NF1: variants seen among roughly 807,000 people sequenced by gnomAD.
NF1 encodes neurofibromin 1.
Under a neutral mutation model 325.7 loss-of-function variants are expected in NF1, and 122 were observed. The ratio of observed to expected loss-of-function variants is 0.37; its 90% CI spans 0.32 to 0.44. NF1 has a LOEUF of 0.44. Ranked by LOEUF, NF1 falls within the 20% of genes least tolerant of loss-of-function variation. NF1 has a pLI of 1.00. For missense variants in NF1, 2,140 were observed against 3,415.4 expected (o/e 0.63, Z 9.31); for synonymous variants, 1,091 against 1,186.0 (o/e 0.92, Z 1.65).
chr17:31,264,842 G>A (rs2151469506), intron 35 of NF1, among the ~76,000 whole-genome samples: 1 of 152,192 alleles, frequency 6.6e-6, no homozygotes, highest in East Asian at 1.9e-4. Context: ...TACCATTTAT[G>A]ATAAACTTCC....
intron 36 of NF1, among the ~76,000 whole-genome samples, chr17:31,311,034 C>T (rs1400004771): frequency 6.6e-6 from 1 of 150,804 alleles, no homozygotes; most frequent in Non-Finnish European, 1.5e-5. Context: ...GCAGCCTCTG[C>T]CTCCTGGGCT....
chr17:31,323,046 A>G (rs1237904441), intron 36 of NF1, among the ~76,000 whole-genome samples: 1 of 152,210 alleles, frequency 6.6e-6, no homozygotes, highest in African/African-American at 2.4e-5. Flanking sequence ...TCCCTAATAC[A>G]TACAACAATG....
At chr17:31,115,264 C>A (rs1487211285) in intron 1 of NF1, among the ~76,000 whole-genome samples, 1 of 152,048 alleles carries the variant, frequency 6.6e-6, no homozygotes, top group Non-Finnish European at 1.5e-5. Flanking sequence ...ACAGGACAGC[C>A]CCCAAGAGTA....
intron 3 of NF1, 96 bp downstream of exon 3, chr17:31,159,189 C>T: frequency 1.1e-6 from 1 of 873,202 alleles, no homozygotes; most frequent in Admixed American, 1.8e-5. Flanking sequence ...GAGGACAGTC[C>T]TATGGACTTT....
intron 1 of NF1, among the ~76,000 whole-genome samples, chr17:31,127,605 T>TA (rs1914995360): frequency 1.3e-5 from 2 of 151,852 alleles, no homozygotes; most frequent in African/African-American, 4.8e-5. Flanking sequence ...TTTTTTTTTT[T>TA]TTTATTTAAA....
chr17:31,320,011 T>C (rs1434183723), intron 36 of NF1, among the ~76,000 whole-genome samples: 1 of 152,108 alleles, frequency 6.6e-6, no homozygotes, highest in Non-Finnish European at 1.5e-5. Context: ...TGCTGGAAAC[T>C]AGTACAAAAA....
chr17:31,126,457 G>GT (rs1914898632), intron 1 of NF1, among the ~76,000 whole-genome samples: 1 of 151,924 alleles, frequency 6.6e-6, no homozygotes, highest in Non-Finnish European at 1.5e-5. Context: ...TAATTCTCTT[G>GT]TTTTTTGAGA....
At chr17:31,126,007 A>C (rs1914851886) in intron 1 of NF1, among the ~76,000 whole-genome samples, 1 of 152,104 alleles carries the variant, frequency 6.6e-6, no homozygotes, top group African/African-American at 2.4e-5. Flanking sequence ...CAACGTGGTA[A>C]AACCCGGTCT....
At chr17:31,251,059 T>G (rs539128430) in intron 30 of NF1, 2 of 195,570 alleles carry the variant, frequency 1.0e-5, no homozygotes, top group South Asian at 3.8e-4. Flanking sequence ...AATGTTACAT[T>G]TACTGATTAG....
intron 50 of NF1, among the ~76,000 whole-genome samples, chr17:31,350,703 G>A (rs1285750977): frequency 1.3e-5 from 2 of 152,138 alleles, no homozygotes; most frequent in African/African-American, 2.4e-5. Flanking sequence ...ATACAGGCAT[G>A]CTAACACATT....
Position 31,236,008 on chromosome 17 carries a change from G to T in NF1, c.3961G>T (p.Val1321Leu). The change falls in exon 29 of 58, where the codon GTG (valine) becomes TTG (leucine). Residue 1321 changes from valine (V) to leucine (L), a missense_variant. By Grantham distance (32) the Val-to-Leu change is conservative. Coordinates refer to ENST00000358273, the MANE Select transcript of NF1 (RefSeq NM_001042492.3). ...TGATTGGCAACATGTTAGCTTTGAA[G>T]TGGATCCTACCAGGTTTGTCATCTT... is the stretch of plus-strand genomic sequence containing the variant. The part of the protein sequence containing the change: ...SSDWQHVSFE[V>L]DPTRLEPSES... 6.2e-7 allele frequency: 1 copy of T among 1,613,184 alleles called. No homozygotes were observed. The highest frequency in any genetic ancestry group is 8.5e-7 in the Non-Finnish European group (1 of 1,179,586).
intron 36 of NF1, chr17:31,297,410 G>A (rs2068489881): frequency 6.6e-6 from 1 of 152,162 alleles, no homozygotes; most frequent in Non-Finnish European, 1.5e-5. Context: ...TAAAAAATTT[G>A]TGGCATCAAG....
chr17:31,146,409 G>GTCCATCCATCCATCCA (rs112178514), intron 1 of NF1, among the ~76,000 whole-genome samples: 1 of 148,514 alleles, frequency 6.7e-6, no homozygotes, highest in Non-Finnish European at 1.5e-5. Context: ...TAATCTGTCT[G>GTCCATCCATCCATCCA]TCCATCCATC....
At chr17:31,180,067 G>C (rs1272148090) in intron 5 of NF1, among the ~76,000 whole-genome samples, 1 of 152,130 alleles carries the variant, frequency 6.6e-6, no homozygotes, top group Non-Finnish European at 1.5e-5. Context: ...TCGAATCCCT[G>C]AATAGACCAA....
chr17:31,285,574 A>G (rs2068210669), intron 36 of NF1, among the ~76,000 whole-genome samples: 2 of 152,278 alleles, frequency 1.3e-5, no homozygotes, highest in South Asian at 2.1e-4. Flanking sequence ...TCTGCTGGAC[A>G]TGGGGGCTCA....
chr17:31,313,705 C>CAAAAA (rs371438778), intron 36 of NF1, among the ~76,000 whole-genome samples: 2 of 112,654 alleles, frequency 1.8e-5, no homozygotes, highest in African/African-American at 6.4e-5. Flanking sequence ...GACTCTATCT[C>CAAAAA]AAAAAAAAAA....
chr17:31,358,256 T>G (rs1277789144), intron 54 of NF1: 4 of 564,212 alleles, frequency 7.1e-6, no homozygotes, highest in African/African-American at 5.6e-5. Flanking sequence ...TTTTCACAAT[T>G]TCTTCCCTGG....
At position 31,230,272 on chromosome 17, in the gene NF1, G is replaced by T; in HGVS notation, c.3003G>T (p.Val1001=). 1 of 1,613,344 alleles carries T rather than the reference G, an allele frequency of 6.2e-7. No homozygotes were observed. Among genetic ancestry groups the T allele is most frequent in the Non-Finnish European group, 8.5e-7 (1 of 1,179,522 alleles). ...TATGTCTATATAGGTATGTTCGTGT[G>T]CTTGGGAATATGGTCCATGCAATTC... is the stretch of plus-strand genomic sequence containing the variant. ...MMLNLVRYVR[V]LGNMVHAIQI... is the part of the protein sequence containing the mutation. The change falls in exon 23 of 58, where the codon GTG becomes GTT. Residue 1001 remains valine, a synonymous_variant. Coordinates refer to ENST00000358273, the MANE Select transcript of NF1 (RefSeq NM_001042492.3).
At chr17:31,267,846 C>G (rs916218909) in intron 36 of NF1, among the ~76,000 whole-genome samples, 7 of 152,140 alleles carry the variant, frequency 4.6e-5, no homozygotes, top group African/African-American at 1.7e-4. Context: ...TCTAGAGACC[C>G]TAATCATTTT....
Sources: gnomAD v4.1 joint callset for allele counts (sites outside exome capture counted in the v4.1 genomes callset) on GRCh38, gnomAD v4.1.1 for gene constraint, MANE v1.5 for transcripts, NCBI Gene and HGNC (gene_info 2026-07-23, HGNC 2026-07-21) for gene names.